The following NELL1 variants were observed in gnomAD, a reference collection of about 807,000 sequenced individuals.
The protein encoded by NELL1 is protein kinase C-binding protein NELL1.
A neutral mutation model predicts 107.4 loss-of-function variants in NELL1; 76 were observed. The ratio of observed to expected loss-of-function variants is 0.71; its 90% CI spans 0.59 to 0.86. NELL1 has a LOEUF of 0.86. Among genes scored for constraint, NELL1 ranks in the 40% least tolerant of loss-of-function variants. The pLI is 0.00. For synonymous variants in NELL1, 353 were observed against 341.2 expected (o/e 1.03, Z -0.38); for missense variants, 1,024 against 1,005.5 (o/e 1.02, Z -0.25).
chr11:21,194,340 T>C (rs765245527), intron 13 of NELL1, among the ~76,000 whole-genome samples: 3 of 152,258 alleles, frequency 2.0e-5, no homozygotes, highest in Non-Finnish European at 4.4e-5. Flanking sequence ...TTGGTTGTTT[T>C]TTCCCAATTT....
At chr11:21,390,677 A>G (rs1851854563) in intron 15 of NELL1, among the ~76,000 whole-genome samples, 1 of 151,784 alleles carries the variant, frequency 6.6e-6, no homozygotes, top group Non-Finnish European at 1.5e-5. Context: ...TTATTACACA[A>G]ATGTTTGCTT....
chr11:21,301,738 T>C (rs1451017484), intron 14 of NELL1, among the ~76,000 whole-genome samples: 3 of 152,076 alleles, frequency 2.0e-5, no homozygotes, highest in Non-Finnish European at 2.9e-5. Context: ...GTGCAGAAGC[T>C]CTTTAGTTTA....
chr11:20,857,607 G>A (rs920603211), intron 4 of NELL1, among the ~76,000 whole-genome samples: 8 of 152,196 alleles, frequency 5.3e-5, no homozygotes, highest in African/African-American at 1.9e-4. Context: ...AAGAAGGAAC[G>A]CATCTTCACC....
chr11:21,000,507 T>C (rs1250199116), intron 12 of NELL1, among the ~76,000 whole-genome samples: 1 of 152,164 alleles, frequency 6.6e-6, no homozygotes, highest in Admixed American at 6.5e-5. Context: ...ATAATGCACT[T>C]TTAAAAAAGC....
At chr11:20,835,336 C>T (rs1375474411) in intron 3 of NELL1, among the ~76,000 whole-genome samples, 1 of 150,942 alleles carries the variant, frequency 6.6e-6, no homozygotes, top group Admixed American at 6.6e-5. Context: ...TTGTTGCTTA[C>T]TTATCTTTAC....
At chr11:21,212,410 C>T (rs1048897642) in intron 13 of NELL1, among the ~76,000 whole-genome samples, 3 of 152,102 alleles carry the variant, frequency 2.0e-5, no homozygotes, top group African/African-American at 7.2e-5. Flanking sequence ...ACACTAGAGT[C>T]TTTTGGTTCC....
At chr11:20,862,460 T>C (rs1439420355) in intron 4 of NELL1, among the ~76,000 whole-genome samples, 3 of 152,174 alleles carry the variant, frequency 2.0e-5, no homozygotes, top group African/African-American at 7.2e-5. Context: ...GACACATTAT[T>C]ACCACCCAAA....
intron 15 of NELL1, among the ~76,000 whole-genome samples, chr11:21,458,054 C>T (rs1853795542): frequency 6.6e-6 from 1 of 152,080 alleles, no homozygotes; most frequent in South Asian, 2.1e-4. Context: ...TAATCACTCT[C>T]CAGGAAATCT....
intron 14 of NELL1, among the ~76,000 whole-genome samples, chr11:21,357,215 T>C (rs537923065): frequency 6.6e-6 from 1 of 152,338 alleles, no homozygotes; most frequent in African/African-American, 2.4e-5. Context: ...CTTTTAGTTC[T>C]TTAAGGAATC....
intron 15 of NELL1, among the ~76,000 whole-genome samples, chr11:21,510,381 A>G (rs1184582493): frequency 1.3e-5 from 2 of 152,196 alleles, no homozygotes; most frequent in Non-Finnish European, 2.9e-5. Context: ...AGAACTGGGC[A>G]AATTTTTATT....
Position 20,684,539 on chromosome 11 carries a change from G to A in NELL1, c.184+6479G>A, listed in dbSNP as rs115986849. 8.1e-3 allele frequency among the ~76,000 whole-genome samples: 1,236 copies of A among 152,020 alleles called. 13 individuals carry two copies. Among genetic ancestry groups the A allele is most frequent in the African/African-American group, 0.028 (1,157 of 41,476 alleles). The stretch of plus-strand genomic sequence containing the variant: ...AATAACTGTTTTAATGTTGTTAATC[G>A]AAAATTCTAATAATTGTATCAGTGC... On this transcript the variant is annotated intron_variant, in intron 2 of 19. Coordinates refer to ENST00000357134, the MANE Select transcript of NELL1 (RefSeq NM_006157.5).
intron 13 of NELL1, among the ~76,000 whole-genome samples, chr11:21,129,014 T>C (rs143960859): frequency 5.0e-4 from 76 of 152,318 alleles, no homozygotes; most frequent in African/African-American, 1.5e-3. Flanking sequence ...AGTTCTGAAT[T>C]TATTCAACCT....
chr11:20,731,594 G>T (rs1260839791), intron 2 of NELL1, among the ~76,000 whole-genome samples: 1 of 152,182 alleles, frequency 6.6e-6, no homozygotes, highest in East Asian at 1.9e-4. Context: ...TGAGTATGAG[G>T]CTGTTGGGAT....
intron 15 of NELL1, among the ~76,000 whole-genome samples, chr11:21,460,960 T>C (rs1004088871): frequency 6.6e-6 from 1 of 152,088 alleles, no homozygotes; most frequent in African/African-American, 2.4e-5. Context: ...TGACATGTAG[T>C]GAAATGTGAG....
chr11:20,677,935 T>G lies in NELL1; in HGVS notation c.59T>G (p.Val20Gly), dbSNP rs774016213. The G allele has an allele frequency of 3.7e-6, 6 of 1,614,080 alleles. No homozygotes were observed. The Admixed American group carries it at 1.0e-4, about 27-fold the overall frequency. ...WFCVCTARTV[V>G]GFGMDPDLQM... The stretch of plus-strand genomic sequence containing the variant: ...ACAACTCTTTGTTCCTTTCCAGTGG[T>G]GGGCTTTGGGATGGACCCTGACCTT... Residue 20 changes from valine (V) to glycine (G), a missense_variant, in exon 2 of 20, where the codon GTG (valine) becomes GGG (glycine). By Grantham distance (109) the Val-to-Gly change is moderately radical. Coordinates refer to ENST00000357134, the MANE Select transcript of NELL1 (RefSeq NM_006157.5).
intron 3 of NELL1, among the ~76,000 whole-genome samples, chr11:20,845,904 G>C (rs1339867698): frequency 6.6e-6 from 1 of 152,114 alleles, no homozygotes; most frequent in African/African-American, 2.4e-5. Flanking sequence ...TATGTGTTCA[G>C]TAAAGACATA....
intron 15 of NELL1, among the ~76,000 whole-genome samples, chr11:21,465,207 C>G (rs1347967427): frequency 6.6e-6 from 1 of 152,002 alleles, no homozygotes; most frequent in Non-Finnish European, 1.5e-5. Context: ...AGCAGGGGCC[C>G]TAGAGTTGCT....
At chr11:20,733,503 T>A (rs182835179) in intron 2 of NELL1, among the ~76,000 whole-genome samples, 14 of 152,226 alleles carry the variant, frequency 9.2e-5, no homozygotes, top group Admixed American at 2.6e-4. Context: ...GGAAGTAGAA[T>A]CAGCAGAGGA....
intron 15 of NELL1, among the ~76,000 whole-genome samples, chr11:21,431,781 G>C (rs1363314693): frequency 6.6e-6 from 1 of 152,096 alleles, no homozygotes; most frequent in Non-Finnish European, 1.5e-5. Context: ...TGCTTAACCT[G>C]CTTCTACGCT....
Sources: allele counts gnomAD v4.1 joint callset (sites outside exome capture counted in the v4.1 genomes callset), GRCh38; gene constraint gnomAD v4.1.1; transcripts MANE v1.5; gene names NCBI Gene and HGNC (gene_info 2026-07-23, HGNC 2026-07-21).